The following NOS1 variants were observed in gnomAD, a reference collection of about 807,000 sequenced individuals.
The protein encoded by NOS1 is NOS type I.
Under a neutral mutation model 164.5 loss-of-function variants are expected in NOS1, and 51 were observed. That is an observed-to-expected ratio of 0.31 (90% CI 0.25 to 0.39). NOS1 has a LOEUF of 0.39. Ranked by LOEUF, NOS1 falls within the 10% of genes least tolerant of loss-of-function variation. NOS1 has a pLI of 1.00. For missense variants in NOS1, 1,362 were observed against 1,885.6 expected (o/e 0.72, Z 5.14); for synonymous variants, 719 against 745.8 (o/e 0.96, Z 0.59).
intron 9 of NOS1, among the ~76,000 whole-genome samples, chr12:117,273,831 GT>G (rs1408292379): frequency 6.6e-6 from 1 of 151,960 alleles, no homozygotes; most frequent in Non-Finnish European, 1.5e-5. Flanking sequence ...ATCATGTGCT[GT>G]TTTTTAAAAA....
chr12:117,218,980 G>GT (rs111927283), intron 27 of NOS1, among the ~76,000 whole-genome samples: 1,461 of 136,748 alleles, frequency 0.011, 18 homozygotes, highest in East Asian at 0.019. Context: ...GGGGTTAGTT[G>GT]TTTTTTTTTT....
At position 117,356,434 on chromosome 12, in the gene NOS1, C is replaced by G. The variant is rs1876854663; in HGVS notation, c.-421+5078G>C. Reference sequence around the variant, plus strand: ...AGTCCTCCCTGATTCCTTCAACCACCTGTCCTGGGTCCTACCACAGCACCT... The same window carrying G: ...AGTCCTCCCTGATTCCTTCAACCACGTGTCCTGGGTCCTACCACAGCACCT... On this transcript the variant is annotated intron_variant, in intron 1 of 28. Transcript: ENST00000317775. This position sits in a 1 kb window ranked among gnomAD's most constrained non-coding sequence, Gnocchi z 4.2. Among the ~76,000 whole-genome samples the G allele has an allele frequency of 6.6e-6, 1 of 152,320 alleles. No homozygotes were observed. The highest frequency in any genetic ancestry group is 3.4e-3 in the Middle Eastern group (1 of 294).
chr12:117,235,055 C>T (rs1465240794), intron 20 of NOS1, among the ~76,000 whole-genome samples: 1 of 151,978 alleles, frequency 6.6e-6, no homozygotes, highest in African/African-American at 2.4e-5. Context: ...GTAGCTGGGA[C>T]TATAGGCAGG....
At chr12:117,237,835 G>A (rs1241705634) in intron 20 of NOS1, among the ~76,000 whole-genome samples, 1 of 152,124 alleles carries the variant, frequency 6.6e-6, no homozygotes, top group East Asian at 1.9e-4. Flanking sequence ...ACAGCAAAGT[G>A]CCCTATTCTC....
intron 1 of NOS1, among the ~76,000 whole-genome samples, chr12:117,349,681 T>C (rs986355693): frequency 6.6e-6 from 1 of 152,196 alleles, no homozygotes; most frequent in African/African-American, 2.4e-5. Context: ...GGGCTTAGCA[T>C]GGTACCTAGT....
At position 117,214,371 on chromosome 12, in the gene NOS1, G is replaced by A. The variant is rs1956570918; in HGVS notation, c.*938C>T. The A allele has an allele frequency of 1.0e-6, 1 of 985,260 alleles. No homozygotes were observed. The highest frequency in any genetic ancestry group is 4.7e-5 in the South Asian group (1 of 21,284). 61.0% of individuals were successfully genotyped at this position (985,260 alleles called of 1,614,324 possible). A position where few individuals can be genotyped will look rare whatever the true frequency, so the allele number is the denominator to read the frequency against. ...AGTGGGAAGATCCTTATTGCCACCA[G>A]GCTTCTTTGAACAACATAACTTCCA... On this transcript the variant is annotated 3_prime_UTR_variant, in exon 29 of 29. Transcript: ENST00000317775.
chr12:117,264,033 T>C, intron 12 of NOS1, 59 bp from the exon 13 acceptor site: 1 of 1,401,750 alleles, frequency 7.1e-7, no homozygotes, highest in Non-Finnish European at 1.0e-6. Context: ...CTGGTTCCTG[T>C]TGGGGATGCT....
At chr12:117,334,807 C>T (rs771568013) in intron 1 of NOS1, among the ~76,000 whole-genome samples, 6 of 152,186 alleles carry the variant, frequency 3.9e-5, no homozygotes, top group Non-Finnish European at 5.9e-5. Flanking sequence ...ACATCAGGTT[C>T]GGCTGTCCCC....
intron 2 of NOS1, among the ~76,000 whole-genome samples, chr12:117,314,629 CAG>C (rs1874590763): frequency 1.3e-5 from 2 of 152,188 alleles, no homozygotes; most frequent in South Asian, 2.1e-4. Flanking sequence ...TTTTTTGAAA[CAG>C]AGTCTTGCTT....
At position 117,277,940 on chromosome 12, in the gene NOS1, C is replaced by G. The variant is rs562472004; in HGVS notation, c.1664+19G>C. ...GCAAACCCACTCACCCTCTCCCACC[C>G]CTTGCCAGTCCCTCTTACTTGGGGT... On this transcript the variant is annotated intron_variant, in intron 9 of 28. Coordinates refer to ENST00000317775, the MANE Select transcript of NOS1 (RefSeq NM_000620.5). 1 of 1,604,776 alleles carries G rather than the reference C, an allele frequency of 6.2e-7. No individual in the cohort carries two copies. The highest frequency in any genetic ancestry group is 1.7e-5 in the Admixed American group (1 of 59,598).
rs1872959838 is a variant in NOS1, at chr12:117,290,278, C to T, written c.981+20G>A. On this transcript the variant is annotated intron_variant, in intron 4 of 28. Coordinates refer to ENST00000317775, the MANE Select transcript of NOS1 (RefSeq NM_000620.5). ...GATGAAGCTGCCACCCTCTCATCTACACCCTGCTGGGATACTTACCAATGT... is the reference window on the plus strand; with the variant it reads ...GATGAAGCTGCCACCCTCTCATCTATACCCTGCTGGGATACTTACCAATGT... 2.5e-6 allele frequency: 4 copies of T among 1,613,374 alleles called. No homozygotes were observed. The South Asian group carries it at 3.3e-5, about 13-fold the overall frequency.
chr12:117,215,438 C>CTT (rs149003143), intron 28 of NOS1, 114 bp from the exon 29 acceptor site: 3,683 of 998,286 alleles, frequency 3.7e-3, no homozygotes, highest in East Asian at 0.011. Context: ...TTGTCTCTTT[C>CTT]TTTTTTTTTT....
intron 9 of NOS1, among the ~76,000 whole-genome samples, chr12:117,274,620 C>G (rs1046164394): frequency 1.3e-5 from 2 of 151,542 alleles, no homozygotes; most frequent in African/African-American, 4.8e-5. Context: ...AATACAAAAA[C>G]TTAGCTGGGC....
At chr12:117,325,658 C>T (rs540199339) in intron 2 of NOS1, among the ~76,000 whole-genome samples, 11 of 152,180 alleles carry the variant, frequency 7.2e-5, no homozygotes, top group Non-Finnish European at 1.0e-4. Context: ...GCAGTAAATC[C>T]ACTGGGTAAA....
At chr12:117,277,874 G>C in intron 9 of NOS1, 85 bp downstream of exon 9, 2 of 1,470,114 alleles carry the variant, frequency 1.4e-6, no homozygotes, top group Non-Finnish European at 1.8e-6. Context: ...GGACTAGAAA[G>C]AAAGCCAGGG....
At chr12:117,254,038 A>G (rs1871273578) in intron 16 of NOS1, among the ~76,000 whole-genome samples, 1 of 152,224 alleles carries the variant, frequency 6.6e-6, no homozygotes, top group African/African-American at 2.4e-5. Flanking sequence ...TGATTTAATC[A>G]GTAAGAAGTC....
At chr12:117,241,796 C>T (rs889543684) in intron 20 of NOS1, among the ~76,000 whole-genome samples, 14 of 152,170 alleles carry the variant, frequency 9.2e-5, no homozygotes, top group African/African-American at 3.4e-4. Flanking sequence ...GCAGCATTAG[C>T]GCGTCCTGTT....
At chr12:117,358,467 C>T (rs1388110599) in intron 1 of NOS1, among the ~76,000 whole-genome samples, 1 of 152,226 alleles carries the variant, frequency 6.6e-6, no homozygotes, top group East Asian at 1.9e-4. Context: ...CACGATGACA[C>T]TATTGGCCCC....
At chr12:117,295,906 CAT>C (rs1873386411) in intron 3 of NOS1, among the ~76,000 whole-genome samples, 3 of 151,878 alleles carry the variant, frequency 2.0e-5, no homozygotes, top group Admixed American at 2.0e-4. Flanking sequence ...TAGGATTACA[CAT>C]GTGAGCCACT....
Sources: allele counts gnomAD v4.1 joint callset (sites outside exome capture counted in the v4.1 genomes callset), GRCh38; gene constraint gnomAD v4.1.1; non-coding constraint Gnocchi (gnomAD v3.1); transcripts MANE v1.5; gene names NCBI Gene and HGNC (gene_info 2026-07-23, HGNC 2026-07-21).